Variants in CSMD1 observed in about 807,000 individuals in gnomAD.
CSMD1 encodes the protein CUB and Sushi multiple domains 1, also known as CUB and sushi domain-containing protein 1.
In CSMD1, 213 loss-of-function variants were observed where a neutral mutation model predicts 417.5. That is an observed-to-expected ratio of 0.51 (90% CI 0.46 to 0.57). The LOEUF (loss-of-function observed/expected upper bound fraction) is 0.57. CSMD1 is among the 20% of genes least tolerant of loss of function. The probability of loss-of-function intolerance (pLI) is 0.00; values close to 1 mark genes in which losing one functional copy is unlikely to be tolerated. For missense variants in CSMD1, 6,923 were observed against 4,529.7 expected, an observed-to-expected ratio of 1.53 and a Z score of -15.17; for synonymous variants, 2,862 against 1,736.8, an observed-to-expected ratio of 1.65 and a Z score of -16.11.
chr8:4,917,762 A>T (rs1447177081), intron 1 of CSMD1, among the ~76,000 whole-genome samples: 1 of 152,246 alleles, frequency 6.6e-6, no homozygotes, highest in Non-Finnish European at 1.5e-5. Flanking sequence ...CAAGTTCACA[A>T]TACCTAATAA....
At chr8:4,852,870 A>G (rs1260036434) in intron 1 of CSMD1, among the ~76,000 whole-genome samples, 1 of 152,156 alleles carries the variant, frequency 6.6e-6, no homozygotes, top group East Asian at 1.9e-4. Flanking sequence ...ACTTGGTTGC[A>G]TTGTTTTCAG....
chr8:4,789,751 A>G (rs1377393018), intron 1 of CSMD1, among the ~76,000 whole-genome samples: 1 of 152,138 alleles, frequency 6.6e-6, no homozygotes, highest in Non-Finnish European at 1.5e-5. Context: ...AACATAGTTC[A>G]TGTAGTAAAT....
intron 1 of CSMD1, among the ~76,000 whole-genome samples, chr8:4,672,528 T>C (rs2130951305): frequency 6.6e-6 from 1 of 152,318 alleles, no homozygotes; most frequent in East Asian, 1.9e-4. Context: ...TTTGGTGAAA[T>C]ATGCACCTAT....
chr8:4,251,956 G>C (rs1248657706), intron 3 of CSMD1, among the ~76,000 whole-genome samples: 1 of 151,860 alleles, frequency 6.6e-6, no homozygotes, highest in Non-Finnish European at 1.5e-5. Context: ...GGGGAAGAAA[G>C]ATGTTCAATG....
At chr8:4,368,869 G>C (rs1300100866) in intron 3 of CSMD1, among the ~76,000 whole-genome samples, 1 of 152,004 alleles carries the variant, frequency 6.6e-6, no homozygotes, top group Admixed American at 6.6e-5. Flanking sequence ...CTATCTCACA[G>C]TCTATCAATC....
At chr8:4,162,022 C>A (rs188172552) in intron 3 of CSMD1, among the ~76,000 whole-genome samples, 1 of 152,224 alleles carries the variant, frequency 6.6e-6, no homozygotes, top group East Asian at 1.9e-4. Context: ...TATTTGCCTT[C>A]GACTTTGCTA....
At chr8:4,611,394 G>C (rs1585328480) in intron 2 of CSMD1, among the ~76,000 whole-genome samples, 2 of 152,108 alleles carry the variant, frequency 1.3e-5, no homozygotes, top group Admixed American at 1.3e-4. Flanking sequence ...TGGCTATCTG[G>C]TTAGTTCTTG....
chr8:4,966,762 A>T (rs1463713107), intron 1 of CSMD1, among the ~76,000 whole-genome samples: 1 of 152,214 alleles, frequency 6.6e-6, no homozygotes. Context: ...CATGTGTCTT[A>T]ATTTAAAATA....
intron 23 of CSMD1, among the ~76,000 whole-genome samples, 188 bp downstream of exon 23, chr8:3,343,106 G>C (rs1263490568): frequency 2.0e-5 from 3 of 152,098 alleles, no homozygotes; most frequent in African/African-American, 4.8e-5. Context: ...TTTCCAAATA[G>C]ATAAATTTCA....
At chr8:3,750,624 G>C (rs188459825) in intron 6 of CSMD1, among the ~76,000 whole-genome samples, 1 of 152,072 alleles carries the variant, frequency 6.6e-6, no homozygotes, top group African/African-American at 2.4e-5. Context: ...TCTCGGTATA[G>C]ACAAGAGGGA....
intron 3 of CSMD1, among the ~76,000 whole-genome samples, chr8:4,103,690 G>A (rs1455580406): frequency 6.6e-6 from 1 of 152,148 alleles, no homozygotes; most frequent in Middle Eastern, 3.4e-3. Flanking sequence ...ATAAACTGGA[G>A]TGAATGCTTA....
intron 2 of CSMD1, among the ~76,000 whole-genome samples, chr8:4,443,630 G>C (rs189793993): frequency 2.0e-5 from 3 of 152,184 alleles, no homozygotes; most frequent in East Asian, 1.9e-4. Context: ...GAATGTACTG[G>C]AACAGCCATG....
chr8:4,029,950 C>G (rs551130256), intron 4 of CSMD1, among the ~76,000 whole-genome samples: 2 of 152,172 alleles, frequency 1.3e-5, no homozygotes, highest in Non-Finnish European at 2.9e-5. Flanking sequence ...GTGGGGCAGT[C>G]AAATCTTAAA....
intron 57 of CSMD1, among the ~76,000 whole-genome samples, chr8:2,968,754 C>T (rs1286777973): frequency 6.6e-6 from 1 of 151,788 alleles, no homozygotes; most frequent in African/African-American, 2.4e-5. Flanking sequence ...GAAAAAAGAA[C>T]AATAAATTAG....
chr8:4,410,548 A>G (rs74751786), intron 3 of CSMD1, among the ~76,000 whole-genome samples: 4,003 of 152,184 alleles, frequency 0.026, 65 homozygotes, highest in Middle Eastern at 0.061. Flanking sequence ...ATCCACTCTC[A>G]TTTTTGCTTA....
intron 3 of CSMD1, among the ~76,000 whole-genome samples, chr8:4,329,610 T>C (rs1799756179): frequency 6.6e-6 from 1 of 152,060 alleles, no homozygotes; most frequent in Non-Finnish European, 1.5e-5. Flanking sequence ...TTTTTCTTTA[T>C]TTACTACTTA....
At chr8:4,154,478 G>T (rs980726560) in intron 3 of CSMD1, among the ~76,000 whole-genome samples, 1 of 152,112 alleles carries the variant, frequency 6.6e-6, no homozygotes, top group African/African-American at 2.4e-5. Flanking sequence ...GAAGGAGAAT[G>T]GTTTACCCCA....
chr8:2,968,568 T>A (rs570789192), intron 57 of CSMD1, among the ~76,000 whole-genome samples: 5 of 152,342 alleles, frequency 3.3e-5, no homozygotes, highest in Admixed American at 2.0e-4. Context: ...AAAGTAAAAT[T>A]CATGATTAGT....
At chr8:4,735,784 T>C (rs1810196081) in intron 1 of CSMD1, among the ~76,000 whole-genome samples, 1 of 152,146 alleles carries the variant, frequency 6.6e-6, no homozygotes, top group Non-Finnish European at 1.5e-5. Context: ...ATTTGAATTT[T>C]AGAGGAATTT....
Sources: gnomAD v4.1 joint callset for allele counts (sites outside exome capture counted in the v4.1 genomes callset) on GRCh38, gnomAD v4.1.1 for gene constraint, MANE v1.5 for transcripts, NCBI Gene and HGNC (gene_info 2026-07-23, HGNC 2026-07-21) for gene names.